RAPGEF4: variants seen among roughly 807,000 people sequenced by gnomAD.
RAPGEF4 encodes RAP guanine-nucleotide-exchange factor (GEF) 4.
In RAPGEF4, 66 loss-of-function variants were observed where a neutral mutation model predicts 147.9. The ratio of observed to expected loss-of-function variants is 0.45; its 90% CI spans 0.37 to 0.55. RAPGEF4 has a LOEUF of 0.55. Among genes scored for constraint, RAPGEF4 ranks in the 20% least tolerant of loss-of-function variants. The pLI is 0.00. For missense variants in RAPGEF4, 1,071 were observed against 1,257.3 expected, an observed-to-expected ratio of 0.85 and a Z score of 2.24; for synonymous variants, 419 against 442.7, an observed-to-expected ratio of 0.95 and a Z score of 0.67.
intron 1 of RAPGEF4, among the ~76,000 whole-genome samples, chr2:172,768,881 G>T (rs1392679595): frequency 2.6e-5 from 4 of 152,208 alleles, no homozygotes; most frequent in African/African-American, 7.2e-5. Context: ...TAAAATTGTT[G>T]CTTCAGGTAG....
At position 173,026,655 on chromosome 2, in the gene RAPGEF4, G is replaced by A; in HGVS notation, c.2337G>A (p.Gln779=). ...TGAGCTCCAAAGATTTAGCATACCA[G>A]ATGACAATTTATGATTGGGAACTCT... is the stretch of plus-strand genomic sequence containing the variant. ...ELMSSKDLAY[Q]MTIYDWELFN... The change falls in exon 24 of 31, where the codon CAG becomes CAA. Residue 779 remains glutamine, a synonymous_variant. Coordinates refer to ENST00000397081, the MANE Select transcript of RAPGEF4 (RefSeq NM_007023.4). 1 of 1,614,100 alleles carries A rather than the reference G, an allele frequency of 6.2e-7. No homozygotes were observed. Among genetic ancestry groups the A allele is most frequent in the Non-Finnish European group, 8.5e-7 (1 of 1,179,972 alleles).
At chr2:172,796,296 A>G (rs1176863816) in intron 2 of RAPGEF4, among the ~76,000 whole-genome samples, 1 of 152,134 alleles carries the variant, frequency 6.6e-6, no homozygotes, top group African/African-American at 2.4e-5. Flanking sequence ...TACCATTAAT[A>G]TTTTGTGGGC....
At chr2:173,016,854 G>A (rs1315033758) in intron 19 of RAPGEF4, among the ~76,000 whole-genome samples, 1 of 152,172 alleles carries the variant, frequency 6.6e-6, no homozygotes, top group Non-Finnish European at 1.5e-5. Flanking sequence ...GAACCAGAAG[G>A]TTTTCACATG....
At chr2:172,992,368 G>C (rs567880670) in intron 15 of RAPGEF4, among the ~76,000 whole-genome samples, 2 of 152,178 alleles carry the variant, frequency 1.3e-5, no homozygotes, top group Admixed American at 6.5e-5. Context: ...TAATGTGAAG[G>C]TTGGGACTGC....
At chr2:173,048,211 G>A (rs1685743785) in intron 29 of RAPGEF4, 1 of 176,528 alleles carries the variant, frequency 5.7e-6, no homozygotes, top group Non-Finnish European at 1.2e-5. Context: ...TTTACTGTGA[G>A]GAACTTGATA....
In RAPGEF4 at chr2:173,002,949, C is replaced by T. The variant is rs529206155; in HGVS notation, c.1658+1605C>T. 5.6e-4 allele frequency among the ~76,000 whole-genome samples: 86 copies of T among 152,234 alleles called. 2 individuals carry two copies. The South Asian group carries it at 0.017, about 30-fold the overall frequency. ...ATGTCTGTGCTCTTTTAACTCCATA[C>T]GCACTAATCATTATAGACCTTTGAG... On this transcript the variant is annotated intron_variant, in intron 17 of 30. Transcript: ENST00000397081.
At chr2:172,942,514 A>C (rs1265575071) in intron 6 of RAPGEF4, among the ~76,000 whole-genome samples, 2 of 149,206 alleles carry the variant, frequency 1.3e-5, no homozygotes, top group Non-Finnish European at 3.0e-5. Flanking sequence ...TCAACACTGG[A>C]GTACCAGGGG....
At chr2:172,765,938 C>T (rs141057675) in intron 1 of RAPGEF4, among the ~76,000 whole-genome samples, 1 of 152,258 alleles carries the variant, frequency 6.6e-6, no homozygotes, top group East Asian at 1.9e-4. Context: ...CATGAAGTAG[C>T]TGTCACTTCT....
chr2:173,030,351 T>C (rs540335546), intron 26 of RAPGEF4, 97 bp downstream of exon 26: 2 of 948,986 alleles, frequency 2.1e-6, no homozygotes, highest in South Asian at 2.8e-5. Flanking sequence ...CTCACACTAG[T>C]ATAACAATGG....
At chr2:172,821,637 C>T in intron 4 of RAPGEF4, 1 of 1,018,732 alleles carries the variant, frequency 9.8e-7, no homozygotes, top group Non-Finnish European at 1.2e-6. Context: ...TATGTCTGCA[C>T]CAGGGTCTCA....
intron 6 of RAPGEF4, among the ~76,000 whole-genome samples, chr2:172,924,779 G>A (rs1236460475): frequency 6.6e-6 from 1 of 152,036 alleles, no homozygotes; most frequent in African/African-American, 2.4e-5. Flanking sequence ...ACTACATGCT[G>A]GGCAATATTA....
At chr2:173,008,040 CT>C (rs1694659090) in intron 17 of RAPGEF4, among the ~76,000 whole-genome samples, 2 of 145,108 alleles carry the variant, frequency 1.4e-5, no homozygotes, top group Admixed American at 1.4e-4. Flanking sequence ...GGGGGCAGAA[CT>C]GTGTGGGAGG....
chr2:173,025,493 G>A (rs1696573140), intron 23 of RAPGEF4, among the ~76,000 whole-genome samples: 2 of 151,826 alleles, frequency 1.3e-5, no homozygotes, highest in South Asian at 4.2e-4. Flanking sequence ...CCCAGGCTGG[G>A]GTGCAGTGGC....
At chr2:172,772,408 A>T (rs1041361552) in intron 1 of RAPGEF4, among the ~76,000 whole-genome samples, 7 of 151,644 alleles carry the variant, frequency 4.6e-5, no homozygotes, top group Non-Finnish European at 8.8e-5. Flanking sequence ...CAGTGGCGCA[A>T]TCTTGGCTCA....
chr2:172,838,161 T>C (rs1313715858), intron 4 of RAPGEF4, among the ~76,000 whole-genome samples: 1 of 152,150 alleles, frequency 6.6e-6, no homozygotes, highest in Non-Finnish European at 1.5e-5. Flanking sequence ...CTACATATCA[T>C]TTCCTACAAG....
At chr2:172,799,591 A>T (rs906986074) in intron 3 of RAPGEF4, among the ~76,000 whole-genome samples, 1 of 152,120 alleles carries the variant, frequency 6.6e-6, no homozygotes, top group Non-Finnish European at 1.5e-5. Context: ...TTACCTGCAT[A>T]GATGTTCCCT....
chr2:172,990,702 G>T (rs561445698), intron 14 of RAPGEF4, 108 bp from the exon 15 acceptor site: 6 of 733,436 alleles, frequency 8.2e-6, no homozygotes, highest in Non-Finnish European at 1.4e-5. Flanking sequence ...ATTTGTAGAC[G>T]CAACAATTAG....
chr2:172,751,133 C>T (rs1695248046), intron 1 of RAPGEF4, among the ~76,000 whole-genome samples: 1 of 152,240 alleles, frequency 6.6e-6, no homozygotes, highest in African/African-American at 2.4e-5. Context: ...CTCATACTGT[C>T]TTCCATCTTC....
At chr2:172,877,807 G>A (rs1222454632) in intron 4 of RAPGEF4, among the ~76,000 whole-genome samples, 1 of 152,152 alleles carries the variant, frequency 6.6e-6, no homozygotes. Context: ...TATGGGTGAG[G>A]GACCTTCTGT....
Sources: allele counts gnomAD v4.1 joint callset (sites outside exome capture counted in the v4.1 genomes callset), GRCh38; gene constraint gnomAD v4.1.1; transcripts MANE v1.5; gene names NCBI Gene and HGNC (gene_info 2026-07-23, HGNC 2026-07-21).